The following DYTN variants were observed in gnomAD, a reference collection of about 807,000 sequenced individuals.
DYTN encodes the protein dystrotelin.
Under a neutral mutation model 69.6 loss-of-function variants are expected in DYTN, and 75 were observed. That is an observed-to-expected ratio of 1.08 (90% CI 0.89 to 1.31). The LOEUF is 1.31. Ranked by LOEUF, DYTN falls within the 50% of genes most tolerant of loss-of-function variation. The probability of loss-of-function intolerance (pLI) is 0.00; values close to 1 mark genes in which losing one functional copy is unlikely to be tolerated. For missense variants in DYTN, 726 were observed against 688.4 expected, an observed-to-expected ratio of 1.05 and a Z score of -0.61; for synonymous variants, 252 against 249.1, an observed-to-expected ratio of 1.01 and a Z score of -0.11.
chr2:206,714,403 C>A (rs1178749202), intron 1 of DYTN, among the ~76,000 whole-genome samples: 1 of 152,122 alleles, frequency 6.6e-6, no homozygotes, highest in Non-Finnish European at 1.5e-5. Context: ...AGGGTTTCAC[C>A]GTGTTAGCCA....
At chr2:206,653,073 A>T (rs1233667050) in intron 11 of DYTN, among the ~76,000 whole-genome samples, 2 of 152,174 alleles carry the variant, frequency 1.3e-5, no homozygotes, top group African/African-American at 4.8e-5. Context: ...TAGAGGGTTC[A>T]TGCATTTTTT....
At chr2:206,707,609 C>T (rs1700040539) in intron 2 of DYTN, 106 bp from the exon 3 acceptor site, 8 of 1,145,816 alleles carry the variant, frequency 7.0e-6, no homozygotes, top group South Asian at 3.1e-5. Flanking sequence ...TTTTTATGGT[C>T]GCTATTTTCT....
rs529501049 is a variant in DYTN, at chr2:206,661,697, A to T, written c.1633+1206T>A. ...ATTATAGCAGTATATAATACATATG[A>T]CATGCAAAGTGTGTGTTAATCAACC... is the stretch of plus-strand genomic sequence containing the variant. On this transcript the variant is annotated intron_variant, in intron 11 of 11. Coordinates refer to ENST00000452335, the MANE Select transcript of DYTN (RefSeq NM_001093730.1). Among the ~76,000 whole-genome samples, 27 of 152,376 alleles carry T rather than the reference A, an allele frequency of 1.8e-4. No homozygotes were observed. In the South Asian group the frequency reaches 5.4e-3, roughly 30 times the overall value.
At chr2:206,691,278 T>C (rs1699859074) in intron 9 of DYTN, among the ~76,000 whole-genome samples, 1 of 152,142 alleles carries the variant, frequency 6.6e-6, no homozygotes, top group South Asian at 2.1e-4. Flanking sequence ...TCAGTTGTGG[T>C]GGCAGGTGCC....
At chr2:206,694,079 G>A (rs550603763) in intron 8 of DYTN, among the ~76,000 whole-genome samples, 93 of 152,342 alleles carry the variant, frequency 6.1e-4, no homozygotes, top group Non-Finnish European at 1.2e-3. Flanking sequence ...TGTGGTATTT[G>A]AGGAGGTTGC....
chr2:206,713,019 G>C (rs373095863), intron 1 of DYTN, among the ~76,000 whole-genome samples: 2 of 152,372 alleles, frequency 1.3e-5, no homozygotes, highest in African/African-American at 4.8e-5. Context: ...GGTGAGCAGA[G>C]ATGAACTTAG....
intron 9 of DYTN, among the ~76,000 whole-genome samples, chr2:206,686,340 C>T (rs1193120634): frequency 6.6e-6 from 1 of 152,134 alleles, no homozygotes. Context: ...GAAGTAGAAG[C>T]CTCGAAGAAA....
Position 206,663,272 on chromosome 2 carries a change from CA to C in DYTN, c.1263del (p.Glu422LysfsTer66), listed in dbSNP as rs764915793. 2.5e-6 allele frequency: 4 copies of C among 1,614,002 alleles called. No homozygotes were observed. The highest frequency in any genetic ancestry group is 3.4e-6 in the Non-Finnish European group (4 of 1,179,900). On this transcript the variant is annotated frameshift_variant, in exon 11 of 12. Coordinates refer to ENST00000452335, the MANE Select transcript of DYTN (RefSeq NM_001093730.1). LOFTEE classifies it high-confidence loss of function. ...GGDYLQIKNA[T>X]EDASTGEPLP... ...AGAGGTTCCCCTGTTGAAGCATCTTCAGTGGCATTCTTGATCTGCAAATAAT... is the reference window on the plus strand; with the variant it reads ...AGAGGTTCCCCTGTTGAAGCATCTTCGTGGCATTCTTGATCTGCAAATAAT...
intron 3 of DYTN, 40 bp from the exon 4 acceptor site, chr2:206,705,913 C>T (rs1460975795): frequency 6.2e-7 from 1 of 1,601,648 alleles, no homozygotes; most frequent in Non-Finnish European, 8.5e-7. Flanking sequence ...ATGGGAAGGC[C>T]AGGGTTACCT....
chr2:206,705,009 T>C, intron 4 of DYTN, 66 bp from the exon 5 acceptor site: 1 of 1,286,736 alleles, frequency 7.8e-7, no homozygotes, highest in East Asian at 2.4e-5. Context: ...GAGTACTTGC[T>C]TTGAAGTAAC....
At position 206,665,982 on chromosome 2, in the gene DYTN, A is replaced by G. The variant is rs1699566950; in HGVS notation, c.1028T>C (p.Ile343Thr). The G allele has an allele frequency of 6.2e-7, 1 of 1,613,952 alleles. No homozygotes were observed. Among genetic ancestry groups the G allele is most frequent in the Non-Finnish European group, 8.5e-7 (1 of 1,179,868 alleles). ...LNQYKDKLQA[I>T]YTSQEERICR... ...AATTCTTTCTTCCTGGGAGGTGTAT[A>G]TAGCTTGCAACTTGTCTTTGTATTG... Residue 343 changes from isoleucine to threonine, a missense_variant, in exon 10 of 12, where the codon ATA (isoleucine) becomes ACA (threonine). Coordinates refer to ENST00000452335, the MANE Select transcript of DYTN (RefSeq NM_001093730.1).
intron 9 of DYTN, among the ~76,000 whole-genome samples, chr2:206,679,852 C>T (rs540382103): frequency 1.3e-5 from 2 of 152,276 alleles, no homozygotes; most frequent in South Asian, 4.1e-4. Flanking sequence ...TTCTTTGTAA[C>T]AAACCTTCTG....
Position 206,663,395 on chromosome 2 carries a change from C to T in DYTN, c.1141G>A (p.Ala381Thr). 6.4e-7 allele frequency: 1 copy of T among 1,567,106 alleles called. No homozygotes were observed. The highest frequency in any genetic ancestry group is 8.6e-7 in the Non-Finnish European group (1 of 1,160,470). Residue 381 changes from alanine (A) to threonine (T), a missense_variant and splice_region_variant, in exon 11 of 12, where the codon GCA (alanine) becomes ACA (threonine). Physicochemically the swap from Ala to Thr is moderately conservative, Grantham distance 58 (BLOSUM62 0). Transcript: ENST00000452335. ...GAAGGACCGGGTGGCTGCAACCTTGCCTGGGGAAACAAAACTTTATTTATG... is the reference window on the plus strand; with the variant it reads ...GAAGGACCGGGTGGCTGCAACCTTGTCTGGGGAAACAAAACTTTATTTATG... ...KLQQIRRDLQARLQPPGPSSS... is the reference protein window; with the variant it reads ...KLQQIRRDLQTRLQPPGPSSS...
Position 206,705,787 on chromosome 2 carries a change from C to T in DYTN, c.382+1G>A, listed in dbSNP as rs747445407. ...GACACCCGCAGTCCTCTGCATGTTACCTCGGTATTTTGAAAGAGGGCTGTC... is the reference window on the plus strand; with the variant it reads ...GACACCCGCAGTCCTCTGCATGTTATCTCGGTATTTTGAAAGAGGGCTGTC... On this transcript the variant is annotated splice_donor_variant, in intron 4 of 11. Transcript: ENST00000452335. LOFTEE classifies it high-confidence loss of function. 6.2e-7 allele frequency: 1 copy of T among 1,613,544 alleles called. No individual in the cohort carries two copies. The highest frequency in any genetic ancestry group is 8.5e-7 in the Non-Finnish European group (1 of 1,179,766).
chr2:206,688,518 T>C (rs1236143046), intron 9 of DYTN, among the ~76,000 whole-genome samples: 1 of 152,216 alleles, frequency 6.6e-6, no homozygotes, highest in African/African-American at 2.4e-5. Flanking sequence ...CAGAGCACTA[T>C]CTGGTTTGAC....
intron 8 of DYTN, among the ~76,000 whole-genome samples, chr2:206,694,549 CTTGTG>C (rs1179539415): frequency 4.6e-5 from 7 of 152,140 alleles, no homozygotes; most frequent in Non-Finnish European, 1.5e-5. Context: ...CTGGCCTGTT[CTTGTG>C]GCCAAAAACT....
chr2:206,715,513 C>T (rs971512148), intron 1 of DYTN, among the ~76,000 whole-genome samples: 2 of 152,148 alleles, frequency 1.3e-5, no homozygotes, highest in African/African-American at 4.8e-5. Context: ...TGGGTGCAGG[C>T]AGAAGCATCT....
At chr2:206,670,905 T>A (rs536846950) in intron 9 of DYTN, among the ~76,000 whole-genome samples, 10 of 152,320 alleles carry the variant, frequency 6.6e-5, no homozygotes, top group Non-Finnish European at 1.2e-4. Flanking sequence ...GCTTAGGAAG[T>A]CTCTTACTTC....
At chr2:206,717,717 G>A (rs1308340182) in intron 1 of DYTN, among the ~76,000 whole-genome samples, 1 of 152,142 alleles carries the variant, frequency 6.6e-6, no homozygotes, top group Non-Finnish European at 1.5e-5. Flanking sequence ...TTTTGGTTAG[G>A]GGAGTAAGGC....
Sources: gnomAD v4.1 joint callset for allele counts (sites outside exome capture counted in the v4.1 genomes callset) on GRCh38, gnomAD v4.1.1 for gene constraint, MANE v1.5 for transcripts, NCBI Gene and HGNC (gene_info 2026-07-23, HGNC 2026-07-21) for gene names.